The following CHAT variants were observed in gnomAD, a reference collection of about 807,000 sequenced individuals.
CHAT encodes choline O-acetyltransferase, also known as acetyl CoA:choline O-acetyltransferase.
In CHAT, 61 loss-of-function variants were observed where a neutral mutation model predicts 76.9. That is an observed-to-expected ratio of 0.79 (90% CI 0.65 to 0.98). CHAT has a LOEUF of 0.98. Ranked by LOEUF, CHAT falls within the 50% of genes least tolerant of loss-of-function variation. The probability of loss-of-function intolerance (pLI) is 0.00; values close to 1 mark genes in which losing one functional copy is unlikely to be tolerated. For synonymous variants in CHAT, 407 were observed against 397.4 expected (o/e 1.02, Z -0.29); for missense variants, 946 against 986.9 (o/e 0.96, Z 0.56).
intron 2 of CHAT, among the ~76,000 whole-genome samples, chr10:49,617,356 G>A (rs1838535546): frequency 6.6e-6 from 1 of 152,180 alleles, no homozygotes; most frequent in Non-Finnish European, 1.5e-5. Flanking sequence ...GCTTCCTTCA[G>A]AGCAGGCTCT....
intron 7 of CHAT, among the ~76,000 whole-genome samples, chr10:49,631,311 C>G (rs957329057): frequency 6.6e-6 from 1 of 152,184 alleles, no homozygotes; most frequent in African/African-American, 2.4e-5. Context: ...CTTGGCTTGT[C>G]GATGCCACCT....
rs929167712 is a variant in CHAT at position 49,667,006 on chromosome 10, A to G, written c.*1960A>G. Among the ~76,000 whole-genome samples, 6 of 152,152 alleles carry G rather than the reference A, an allele frequency of 3.9e-5. No homozygotes were observed. Among genetic ancestry groups the G allele is most frequent in the African/African-American group, 1.4e-4 (6 of 41,434 alleles). ...GCTATGGGGCCAGGCAGCCCCACCA[A>G]CCTCGGCCAAATGACATGCATGCCC... On this transcript the variant is annotated 3_prime_UTR_variant, in exon 15 of 15. Coordinates refer to ENST00000337653, the MANE Select transcript of CHAT (RefSeq NM_020549.5).
chr10:49,664,756 C>CT, intron 14 of CHAT, 21 bp from the exon 15 acceptor site: 1 of 1,614,226 alleles, frequency 6.2e-7, no homozygotes, highest in South Asian at 1.1e-5. Flanking sequence ...CAAGCAGCTC[C>CT]TGACCTGTCC....
At chr10:49,610,893 G>T (rs1838275121), upstream of CHAT, 2 of 1,612,972 alleles carry the variant, frequency 1.2e-6, no homozygotes, top group Non-Finnish European at 1.7e-6. Context: ...TGCTGTACAT[G>T]GTCATCGTGC....
At chr10:49,638,109 T>G (rs1172873905) in intron 7 of CHAT, among the ~76,000 whole-genome samples, 2 of 152,242 alleles carry the variant, frequency 1.3e-5, no homozygotes, top group Admixed American at 6.5e-5. Context: ...TTTAACATAT[T>G]TTATAGTATG....
At chr10:49,617,464 C>T (rs747200758) in intron 2 of CHAT, among the ~76,000 whole-genome samples, 1 of 152,192 alleles carries the variant, frequency 6.6e-6, no homozygotes, top group Non-Finnish European at 1.5e-5. Flanking sequence ...CTCCCAGGTC[C>T]AAAGACACTC....
chr10:49,658,273 T>C (rs185108460), intron 13 of CHAT, among the ~76,000 whole-genome samples: 47 of 152,044 alleles, frequency 3.1e-4, no homozygotes, highest in Admixed American at 2.2e-3. Context: ...CCCAGCACTT[T>C]GGGAGGCTGA....
chr10:49,628,350 G>C (rs549248428), intron 7 of CHAT, among the ~76,000 whole-genome samples: 62 of 152,326 alleles, frequency 4.1e-4, no homozygotes, highest in African/African-American at 1.5e-3. Flanking sequence ...CAAATCCAAA[G>C]CTGGTCCTAT....
rs776499844 is a variant in CHAT, at chr10:49,619,843, T to C, written c.506T>C (p.Phe169Ser). 3.1e-6 allele frequency: 5 copies of C among 1,613,774 alleles called. No homozygotes were observed. The highest frequency in any genetic ancestry group is 1.3e-5 in the African/African-American group (1 of 75,038). The stretch of plus-strand genomic sequence containing the variant: ...AAGAGCCAGGCCATTGTGCAGCAGT[T>C]TGGGGCCCCTGGTGGCCTCGGCGAG... ...FRKSQAIVQQ[F>S]GAPGGLGETL... Residue 169 changes from phenylalanine (F) to serine (S), a missense_variant, in exon 3 of 15, where the codon TTT (phenylalanine) becomes TCT (serine). Phe to Ser is a radical substitution (Grantham distance 155, BLOSUM62 -2). Coordinates refer to ENST00000337653, the MANE Select transcript of CHAT (RefSeq NM_020549.5).
chr10:49,610,905 C>A (rs1445571235), upstream of CHAT: 2 of 1,612,564 alleles, frequency 1.2e-6, no homozygotes, highest in Non-Finnish European at 1.7e-6. Flanking sequence ...TCATCGTGCC[C>A]ATAGTGCCCG....
intron 2 of CHAT, among the ~76,000 whole-genome samples, chr10:49,618,143 G>C (rs1296272266): frequency 3.9e-5 from 6 of 152,178 alleles, no homozygotes; most frequent in Non-Finnish European, 5.9e-5. Flanking sequence ...CATTAGGGCA[G>C]CAATGAATTA....
rs988883114 is a variant in CHAT, at chr10:49,667,913, C to T, written c.*2867C>T. Among the ~76,000 whole-genome samples the T allele has an allele frequency of 9.9e-5, 15 of 152,156 alleles. No individual in the cohort carries two copies. The highest frequency in any genetic ancestry group is 2.6e-4 in the Admixed American group (4 of 15,276). On this transcript the variant is annotated 3_prime_UTR_variant, in exon 15 of 15. Transcript: ENST00000337653. ...AAATTATTTAAAAATTGTTCTAAGT[C>T]TATATTCAATAAAAAGTAATGCCAA... is the stretch of plus-strand genomic sequence containing the variant.
upstream of CHAT, chr10:49,611,951 C>A: frequency 6.2e-7 from 1 of 1,612,536 alleles, no homozygotes; most frequent in South Asian, 1.1e-5. Flanking sequence ...CTGCTGCCCA[C>A]GCTCGCCTTC....
chr10:49,611,245 T>C (rs1212300025), upstream of CHAT: 3 of 1,613,472 alleles, frequency 1.9e-6, no homozygotes, highest in Non-Finnish European at 2.5e-6. Flanking sequence ...TACAGTCCTG[T>C]TCGCCTTCGC....
At chr10:49,655,568 G>C (rs1279239147) in intron 13 of CHAT, 120 bp downstream of exon 13, 3 of 899,768 alleles carry the variant, frequency 3.3e-6, no homozygotes, top group Non-Finnish European at 5.5e-6. Context: ...TCGGGGACTT[G>C]GCAAGGCCAC....
chr10:49,658,168 G>A (rs541274635), intron 13 of CHAT, among the ~76,000 whole-genome samples: 9 of 152,178 alleles, frequency 5.9e-5, no homozygotes, highest in African/African-American at 1.9e-4. Context: ...GATCACCTGA[G>A]GTCAGGAGAT....
At chr10:49,657,507 C>A (rs977942534) in intron 13 of CHAT, among the ~76,000 whole-genome samples, 1 of 152,104 alleles carries the variant, frequency 6.6e-6, no homozygotes, top group African/African-American at 2.4e-5. Flanking sequence ...GGCAGCCAGG[C>A]TACTAGCCCC....
At chr10:49,610,744 G>A (rs1838268503), upstream of CHAT, 2 of 1,517,262 alleles carry the variant, frequency 1.3e-6, no homozygotes, top group South Asian at 1.3e-5. Flanking sequence ...TGGGGGCATG[G>A]AATCCGCGGA....
intron 7 of CHAT, 108 bp from the exon 8 acceptor site, chr10:49,646,397 T>G: frequency 3.6e-6 from 5 of 1,395,256 alleles, no homozygotes; most frequent in Non-Finnish European, 5.0e-6. Context: ...ACCTGGGTCT[T>G]GTTGTGATCC....
Sources: gnomAD v4.1 joint callset for allele counts (sites outside exome capture counted in the v4.1 genomes callset) on GRCh38, gnomAD v4.1.1 for gene constraint, MANE v1.5 for transcripts, NCBI Gene and HGNC (gene_info 2026-07-23, HGNC 2026-07-21) for gene names.